Variants in KDM4C observed in about 807,000 individuals in gnomAD.
The protein encoded by KDM4C is lysine-specific demethylase 4C.
A neutral mutation model predicts 129.3 loss-of-function variants in KDM4C; 81 were observed. That is an observed-to-expected ratio of 0.63 (90% CI 0.52 to 0.75). The LOEUF (loss-of-function observed/expected upper bound fraction) is 0.75. Ranked by LOEUF, KDM4C falls within the 30% of genes least tolerant of loss-of-function variation. KDM4C has a pLI of 0.00. For synonymous variants in KDM4C, 573 were observed against 456.1 expected (o/e 1.26, Z -3.26); for missense variants, 1,457 against 1,304.0 (o/e 1.12, Z -1.81).
intron 17 of KDM4C, among the ~76,000 whole-genome samples, chr9:7,090,234 C>G (rs1248312258): frequency 6.6e-6 from 1 of 152,222 alleles, no homozygotes; most frequent in African/African-American, 2.4e-5. Flanking sequence ...TTTTGACACA[C>G]AGCCTTTAAA....
chr9:6,864,333 C>T (rs575045853), intron 5 of KDM4C, among the ~76,000 whole-genome samples: 1 of 152,348 alleles, frequency 6.6e-6, no homozygotes, highest in South Asian at 2.1e-4. Context: ...CTCACTACTT[C>T]TTGGCCTATA....
At chr9:7,099,669 A>T (rs1305672517) in intron 17 of KDM4C, among the ~76,000 whole-genome samples, 1 of 152,200 alleles carries the variant, frequency 6.6e-6, no homozygotes, top group South Asian at 2.1e-4. Context: ...ATCACTGGGA[A>T]CTTGTTAGAA....
At chr9:7,101,146 G>A (rs1444430373) in intron 17 of KDM4C, among the ~76,000 whole-genome samples, 3 of 152,142 alleles carry the variant, frequency 2.0e-5, no homozygotes, top group Non-Finnish European at 4.4e-5. Flanking sequence ...GTTGTCCCCA[G>A]GCATGATTCA....
At chr9:6,783,681 T>A (rs956402026) in intron 1 of KDM4C, among the ~76,000 whole-genome samples, 4 of 152,148 alleles carry the variant, frequency 2.6e-5, no homozygotes, top group African/African-American at 9.7e-5. Flanking sequence ...AGGGGCTAGT[T>A]GCCCACCACC....
At chr9:7,020,299 TG>T (rs1238281988) in intron 15 of KDM4C, among the ~76,000 whole-genome samples, 4 of 152,232 alleles carry the variant, frequency 2.6e-5, no homozygotes, top group Non-Finnish European at 1.5e-5. Context: ...TGTCAATCCT[TG>T]GATACAGTTT....
chr9:7,005,318 C>G (rs1821460453), intron 12 of KDM4C, among the ~76,000 whole-genome samples: 1 of 151,798 alleles, frequency 6.6e-6, no homozygotes, highest in African/African-American at 2.4e-5. Flanking sequence ...GCCTGTAATC[C>G]CAGCTACTCG....
intron 4 of KDM4C, among the ~76,000 whole-genome samples, chr9:6,825,977 A>AT (rs1294413336): frequency 6.6e-6 from 1 of 151,932 alleles, no homozygotes; most frequent in Non-Finnish European, 1.5e-5. Context: ...TGCCCAGCTA[A>AT]TTTTTTGTAG....
intron 15 of KDM4C, among the ~76,000 whole-genome samples, chr9:7,032,616 C>A (rs1310217756): frequency 6.6e-6 from 1 of 152,172 alleles, no homozygotes; most frequent in East Asian, 1.9e-4. Context: ...ATCTCAGAAG[C>A]CTCGTTTTAC....
intron 8 of KDM4C, among the ~76,000 whole-genome samples, chr9:6,936,650 A>G (rs753243957): frequency 3.3e-5 from 5 of 152,220 alleles, no homozygotes; most frequent in Non-Finnish European, 7.4e-5. Flanking sequence ...TCCCATGGCT[A>G]TTCTGTTCTC....
intron 8 of KDM4C, among the ~76,000 whole-genome samples, chr9:6,940,464 T>G (rs1825740460): frequency 6.6e-6 from 1 of 152,244 alleles, no homozygotes; most frequent in Non-Finnish European, 1.5e-5. Flanking sequence ...GGGAATTGTG[T>G]CAACTTTCAT....
intron 15 of KDM4C, among the ~76,000 whole-genome samples, chr9:7,022,152 C>A (rs553223819): frequency 6.6e-6 from 1 of 152,116 alleles, no homozygotes; most frequent in East Asian, 1.9e-4. Flanking sequence ...TTTGTGATTC[C>A]ATATAAATTT....
chr9:7,096,321 A>C (rs1403361959), intron 17 of KDM4C, among the ~76,000 whole-genome samples: 1 of 152,156 alleles, frequency 6.6e-6, no homozygotes, highest in South Asian at 2.1e-4. Flanking sequence ...TGCTGCTTTT[A>C]TGTGTGCGTT....
intron 8 of KDM4C, among the ~76,000 whole-genome samples, chr9:6,959,421 G>A (rs1829657328): frequency 6.6e-6 from 1 of 152,178 alleles, no homozygotes; most frequent in Non-Finnish European, 1.5e-5. Context: ...CTTGAAGAAT[G>A]ATTTCTGAAC....
At chr9:6,981,180 C>T (rs578019101) in intron 9 of KDM4C, 62 bp downstream of exon 9, 1 of 1,348,964 alleles carries the variant, frequency 7.4e-7, no homozygotes, top group East Asian at 2.4e-5. Flanking sequence ...TAAAATGGGT[C>T]ATTGGATGTG....
intron 18 of KDM4C, among the ~76,000 whole-genome samples, chr9:7,125,216 G>T (rs1296232222): frequency 6.6e-6 from 1 of 152,170 alleles, no homozygotes; most frequent in Non-Finnish European, 1.5e-5. Context: ...CAACAGAATG[G>T]CTGTTTCCTG....
intron 4 of KDM4C, among the ~76,000 whole-genome samples, chr9:6,829,312 G>C (rs1406590501): frequency 6.6e-6 from 1 of 152,232 alleles, no homozygotes. Flanking sequence ...TGAGGAAGCT[G>C]AGCCTGTTTT....
intron 18 of KDM4C, among the ~76,000 whole-genome samples, chr9:7,106,553 T>A (rs1676000549): frequency 6.6e-6 from 1 of 152,202 alleles, no homozygotes; most frequent in African/African-American, 2.4e-5. Flanking sequence ...ACTTTAGGGT[T>A]TTTGATTCCC....
intron 12 of KDM4C, among the ~76,000 whole-genome samples, chr9:7,009,968 A>G (rs957956839): frequency 1.3e-5 from 2 of 152,246 alleles, no homozygotes; most frequent in Admixed American, 1.3e-4. Flanking sequence ...AAGGCATAAA[A>G]TATATGCAGA....
intron 21 of KDM4C, among the ~76,000 whole-genome samples, chr9:7,172,394 C>T (rs1845054714): frequency 6.6e-6 from 1 of 152,110 alleles, no homozygotes; most frequent in African/African-American, 2.4e-5. Context: ...CCTGGTAAAT[C>T]GGTTTTATTA....
Sources: gnomAD v4.1 joint callset for allele counts (sites outside exome capture counted in the v4.1 genomes callset) on GRCh38, gnomAD v4.1.1 for gene constraint, MANE v1.5 for transcripts, NCBI Gene and HGNC (gene_info 2026-07-23, HGNC 2026-07-21) for gene names.